Variants in NRXN1 observed in about 807,000 individuals in gnomAD.
The protein encoded by NRXN1 is neurexin-1.
NRXN1 carries 39 observed loss-of-function variants against 150.9 expected under a neutral mutation model. The ratio of observed to expected loss-of-function variants is 0.26; its 90% CI spans 0.20 to 0.34. The LOEUF (loss-of-function observed/expected upper bound fraction) is 0.34. NRXN1 is among the 10% of genes least tolerant of loss of function. The pLI is 1.00. For missense variants in NRXN1, 1,815 were observed against 1,949.9 expected, an observed-to-expected ratio of 0.93 and a Z score of 1.30; for synonymous variants, 924 against 757.0, an observed-to-expected ratio of 1.22 and a Z score of -3.62.
chr2:50,809,507 T>C (rs1026102735), intron 5 of NRXN1, among the ~76,000 whole-genome samples: 26 of 152,258 alleles, frequency 1.7e-4, no homozygotes, highest in African/African-American at 6.3e-4. Context: ...CTTTTGTCTT[T>C]AATTTGAATG....
At chr2:50,992,417 AG>A (rs1698669581) in intron 2 of NRXN1, among the ~76,000 whole-genome samples, 2 of 151,978 alleles carry the variant, frequency 1.3e-5, no homozygotes, top group Non-Finnish European at 2.9e-5. Context: ...GAACTTTGAA[AG>A]GCTAACACCC....
At chr2:50,397,822 T>A (rs753168447) in intron 17 of NRXN1, among the ~76,000 whole-genome samples, 3 of 152,160 alleles carry the variant, frequency 2.0e-5, no homozygotes, top group Admixed American at 6.5e-5. Context: ...TGACTCTTTT[T>A]CCTTTATAGT....
Position 50,091,488 on chromosome 2 carries a change from C to T in NRXN1, c.3553G>A (p.Gly1185Arg). The T allele has an allele frequency of 6.2e-7, 1 of 1,614,064 alleles. No homozygotes were observed. Residue 1185 changes from glycine to arginine, a missense_variant, in exon 19 of 23, where the codon GGA becomes AGA. By Grantham distance (125) the Gly-to-Arg change is moderately radical. Coordinates refer to ENST00000401669, the MANE Select transcript of NRXN1 (RefSeq NM_001330078.2). Reference sequence around the variant, plus strand: ...ACATTAAACTTAACTCCAATTTTTCCCTGGTGCTGTAAGAGAGGAGGGGAA... The same window carrying T: ...ACATTAAACTTAACTCCAATTTTTCTCTGGTGCTGTAAGAGAGGAGGGGAA... ...GDYLELHIHQ[G>R]KIGVKFNVGT...
intron 17 of NRXN1, among the ~76,000 whole-genome samples, chr2:50,264,414 C>T (rs950594368): frequency 1.3e-5 from 2 of 151,996 alleles, no homozygotes; most frequent in African/African-American, 2.4e-5. Flanking sequence ...AAAGCAATAT[C>T]CATGTACAGG....
chr2:50,631,032 T>C, intron 5 of NRXN1: 1 of 411,694 alleles, frequency 2.4e-6, no homozygotes, highest in Non-Finnish European at 4.9e-6. Flanking sequence ...ACTATTATCT[T>C]ATTTGCCACG....
At chr2:50,668,921 C>T (rs553102808) in intron 5 of NRXN1, among the ~76,000 whole-genome samples, 1 of 151,874 alleles carries the variant, frequency 6.6e-6, no homozygotes, top group Non-Finnish European at 1.5e-5. Context: ...TTGTGATATA[C>T]AAAAAGCATA....
intron 12 of NRXN1, among the ~76,000 whole-genome samples, chr2:50,515,641 G>C (rs1365154208): frequency 2.0e-5 from 3 of 146,984 alleles, no homozygotes; most frequent in South Asian, 2.2e-4. Flanking sequence ...GTGTGTGTGT[G>C]TCTGCATGCA....
chr2:50,062,119 C>T (rs781209589), intron 19 of NRXN1, among the ~76,000 whole-genome samples: 5 of 152,036 alleles, frequency 3.3e-5, no homozygotes, highest in Non-Finnish European at 4.4e-5. Flanking sequence ...GGAATGTATA[C>T]CCTCTATTTT....
At chr2:50,801,133 T>C (rs1670309771) in intron 5 of NRXN1, among the ~76,000 whole-genome samples, 1 of 152,166 alleles carries the variant, frequency 6.6e-6, no homozygotes, top group Admixed American at 6.5e-5. Context: ...TTTATGCAAG[T>C]TTATAAGAAG....
At chr2:50,587,988 G>A (rs1673450819) in intron 8 of NRXN1, among the ~76,000 whole-genome samples, 1 of 152,094 alleles carries the variant, frequency 6.6e-6, no homozygotes, top group Non-Finnish European at 1.5e-5. Flanking sequence ...TTCTTTGTGA[G>A]TGCCTATTAT....
At chr2:50,654,015 G>T (rs1573979240) in intron 5 of NRXN1, among the ~76,000 whole-genome samples, 3 of 129,966 alleles carry the variant, frequency 2.3e-5, no homozygotes, top group African/African-American at 5.9e-5. Context: ...GTCCATTTAT[G>T]CATTTATTCA....
chr2:50,128,741 G>C (rs778116586), intron 18 of NRXN1, among the ~76,000 whole-genome samples: 15 of 152,110 alleles, frequency 9.9e-5, no homozygotes, highest in Non-Finnish European at 1.9e-4. Context: ...CAGCTCTTTG[G>C]GGGAGCTGAG....
chr2:50,025,125 T>C (rs1386707746), intron 21 of NRXN1, among the ~76,000 whole-genome samples: 1 of 152,092 alleles, frequency 6.6e-6, no homozygotes, highest in African/African-American at 2.4e-5. Flanking sequence ...ATTTGGCAAA[T>C]TGGGGGTCGG....
At chr2:50,998,612 A>C (rs1366149703) in intron 2 of NRXN1, among the ~76,000 whole-genome samples, 2 of 152,096 alleles carry the variant, frequency 1.3e-5, no homozygotes, top group Non-Finnish European at 2.9e-5. Context: ...GTATGCATGT[A>C]GAGTGTTTAG....
chr2:50,834,952 C>T (rs1671908679), intron 5 of NRXN1, among the ~76,000 whole-genome samples: 1 of 152,146 alleles, frequency 6.6e-6, no homozygotes, highest in Admixed American at 6.5e-5. Flanking sequence ...TGTGTCATCC[C>T]TCTTTTCTCT....
In NRXN1 at chr2:50,521,994, T is replaced by C. The variant is rs187613942; in HGVS notation, c.2374+6631A>G. 2.6e-5 allele frequency among the ~76,000 whole-genome samples: 4 copies of C among 151,544 alleles called. No homozygotes were observed. The East Asian group carries it at 7.8e-4, about 29-fold the overall frequency. On this transcript the variant is annotated intron_variant, in intron 12 of 22. Transcript: ENST00000401669. ...CTAGAAAAGTCGAATATACAACATA[T>C]AGAGAGTATACAGCCAGTGAAAGGG...
intron 17 of NRXN1, among the ~76,000 whole-genome samples, chr2:50,372,313 C>T (rs2080087971): frequency 6.6e-6 from 1 of 152,020 alleles, no homozygotes; most frequent in African/African-American, 2.4e-5. Context: ...CTGGGGAAAT[C>T]ATGGTATTTT....
chr2:50,660,236 T>C (rs1388252521), intron 5 of NRXN1, among the ~76,000 whole-genome samples: 2 of 152,014 alleles, frequency 1.3e-5, no homozygotes, highest in African/African-American at 4.8e-5. Flanking sequence ...AGGAAATAGA[T>C]GCATTGAGAA....
Position 50,497,315 on chromosome 2 carries a change from G to C in NRXN1, c.2879+18C>G. ...TCCAAAGTTTTATTTATTTGCTATT[G>C]AACAGGCATGTACTCACCCTTTAAC... On this transcript the variant is annotated intron_variant, in intron 14 of 22. Transcript: ENST00000401669. The C allele has an allele frequency of 6.9e-7, 1 of 1,450,698 alleles. No homozygotes were observed. The highest frequency in any genetic ancestry group is 1.7e-5 in the South Asian group (1 of 59,682). The allele number at this position is 1,450,698 out of a possible 1,614,324, so 89.9% of individuals were successfully genotyped here.
Sources: allele counts gnomAD v4.1 joint callset (sites outside exome capture counted in the v4.1 genomes callset), GRCh38; gene constraint gnomAD v4.1.1; transcripts MANE v1.5; gene names NCBI Gene and HGNC (gene_info 2026-07-23, HGNC 2026-07-21).